PCDH15: variants seen among roughly 807,000 people sequenced by gnomAD.
PCDH15 encodes protocadherin-15.
PCDH15 carries 129 observed loss-of-function variants against 178.5 expected under a neutral mutation model. The ratio of observed to expected loss-of-function variants is 0.72; its 90% CI spans 0.63 to 0.84. The LOEUF is 0.84. Among genes scored for constraint, PCDH15 ranks in the 40% least tolerant of loss-of-function variants. The pLI is 0.00. For synonymous variants in PCDH15, 800 were observed against 732.0 expected (o/e 1.09, Z -1.50); for missense variants, 2,230 against 2,099.9 (o/e 1.06, Z -1.21).
intron 2 of PCDH15, among the ~76,000 whole-genome samples, chr10:55,394,686 A>T (rs1051668343): frequency 5.0e-5 from 7 of 141,124 alleles, no homozygotes; most frequent in Admixed American, 2.8e-4. Flanking sequence ...GTAGAAAATT[A>T]AAAAAAAAAA....
intron 3 of PCDH15, among the ~76,000 whole-genome samples, chr10:54,865,121 G>A (rs1216114755): frequency 5.3e-5 from 8 of 152,132 alleles, no homozygotes; most frequent in Non-Finnish European, 1.0e-4. Flanking sequence ...ATGTCTGCGA[G>A]GGTGTTGCCA....
At chr10:54,793,463 T>A (rs1001008991) in intron 1 of PCDH15, among the ~76,000 whole-genome samples, 1 of 151,712 alleles carries the variant, frequency 6.6e-6, no homozygotes, top group Non-Finnish European at 1.5e-5. Context: ...TAGAAAAATT[T>A]ATTTTTCTAA....
intron 27 of PCDH15, among the ~76,000 whole-genome samples, chr10:53,858,945 A>G (rs1589127512): frequency 6.6e-6 from 1 of 152,056 alleles, no homozygotes; most frequent in Admixed American, 6.6e-5. Flanking sequence ...TACATGATAA[A>G]AATTTCTAGA....
intron 2 of PCDH15, among the ~76,000 whole-genome samples, chr10:55,335,680 T>C (rs1844366704): frequency 6.6e-6 from 1 of 152,172 alleles, no homozygotes; most frequent in African/African-American, 2.4e-5. Context: ...CAGTTTGTTA[T>C]TATAGTTGTC....
chr10:54,512,743 A>G (rs968391743), intron 3 of PCDH15, among the ~76,000 whole-genome samples: 2 of 152,134 alleles, frequency 1.3e-5, no homozygotes, highest in Admixed American at 1.3e-4. Context: ...GCAAATTATT[A>G]ATGAAAGTAT....
rs1564530197 is a variant in PCDH15, at chr10:53,821,905, C to T, written c.4368-1675G>A. ...TGAGATTGTTTTTCAGTTCCCTCGACAATATTGTTCAAACTCCCCTTGTTT... is the reference window on the plus strand; with the variant it reads ...TGAGATTGTTTTTCAGTTCCCTCGATAATATTGTTCAAACTCCCCTTGTTT... On this transcript the variant is annotated intron_variant, in intron 32 of 37. Transcript: ENST00000644397. The T allele has an allele frequency of 3.1e-6, 5 of 1,613,664 alleles. No individual in the cohort carries two copies. The South Asian group carries it at 5.5e-5, about 18-fold the overall frequency.
At chr10:55,203,068 G>T (rs1840300019) in intron 1 of PCDH15, among the ~76,000 whole-genome samples, 1 of 152,120 alleles carries the variant, frequency 6.6e-6, no homozygotes, top group Non-Finnish European at 1.5e-5. Flanking sequence ...ATAAAAATCA[G>T]TCTTATCATG....
At chr10:54,195,020 T>G (rs2049461231) in intron 11 of PCDH15, among the ~76,000 whole-genome samples, 1 of 152,190 alleles carries the variant, frequency 6.6e-6, no homozygotes, top group Non-Finnish European at 1.5e-5. Context: ...TTTCAGCCCT[T>G]CTGTTCTCCA....
chr10:54,553,747 T>C (rs2086863983), intron 2 of PCDH15, among the ~76,000 whole-genome samples: 1 of 152,242 alleles, frequency 6.6e-6, no homozygotes, highest in South Asian at 2.1e-4. Context: ...TCAGGTTCTG[T>C]ATAAAATCTC....
At chr10:54,780,000 A>C (rs181300940) in intron 1 of PCDH15, among the ~76,000 whole-genome samples, 2 of 152,278 alleles carry the variant, frequency 1.3e-5, no homozygotes, top group Admixed American at 1.3e-4. Context: ...ATTTGCACTT[A>C]TTCTTATAAA....
chr10:54,593,988 A>G (rs983560399), intron 2 of PCDH15, among the ~76,000 whole-genome samples: 1 of 151,912 alleles, frequency 6.6e-6, no homozygotes, highest in African/African-American at 2.4e-5. Flanking sequence ...TTGAGAGCAG[A>G]TAGAGAGAAG....
At chr10:54,882,001 T>A (rs1373348015) in intron 3 of PCDH15, among the ~76,000 whole-genome samples, 1 of 152,266 alleles carries the variant, frequency 6.6e-6, no homozygotes, top group African/African-American at 2.4e-5. Context: ...TTTTCTGTTT[T>A]GTTCCCATCT....
At chr10:54,010,394 G>C (rs1055686559) in intron 20 of PCDH15, among the ~76,000 whole-genome samples, 3 of 152,130 alleles carry the variant, frequency 2.0e-5, no homozygotes, top group African/African-American at 7.2e-5. Flanking sequence ...AGCTCCCAGA[G>C]GGCAAGGCAG....
At chr10:53,815,446 A>G (rs1375991968) in intron 35 of PCDH15, among the ~76,000 whole-genome samples, 1 of 152,112 alleles carries the variant, frequency 6.6e-6, no homozygotes, top group African/African-American at 2.4e-5. Flanking sequence ...TTGGATTTCA[A>G]CCCTGAGTTT....
chr10:54,818,883 T>C (rs1952990640), intron 3 of PCDH15, among the ~76,000 whole-genome samples: 1 of 152,048 alleles, frequency 6.6e-6, no homozygotes, highest in African/African-American at 2.4e-5. Context: ...GAGGCACCGA[T>C]TTTTCTTATA....
chr10:53,911,669 T>C (rs547802840), intron 25 of PCDH15, among the ~76,000 whole-genome samples: 171 of 152,286 alleles, frequency 1.1e-3, no homozygotes, highest in African/African-American at 4.0e-3. Flanking sequence ...GAGCTGGTTT[T>C]TTGAAAAGAT....
intron 2 of PCDH15, among the ~76,000 whole-genome samples, chr10:55,079,181 T>C (rs888681159): frequency 1.3e-5 from 2 of 152,184 alleles, no homozygotes; most frequent in African/African-American, 4.8e-5. Context: ...TTTTTATTGT[T>C]TTCTGTGTCT....
chr10:54,192,138 G>GAAAGAAAGAAAA (rs756517420), intron 11 of PCDH15, among the ~76,000 whole-genome samples: 1 of 117,518 alleles, frequency 8.5e-6, no homozygotes, highest in African/African-American at 3.2e-5. Flanking sequence ...GAAAGAGAAA[G>GAAAGAAAGAAAA]AGAAAGAAAG....
intron 1 of PCDH15, among the ~76,000 whole-genome samples, chr10:55,170,382 C>G (rs1839301500): frequency 6.6e-6 from 1 of 152,016 alleles, no homozygotes; most frequent in Admixed American, 6.6e-5. Context: ...CTCCTTGGCT[C>G]AAGTGATCCT....
Sources: allele counts gnomAD v4.1 joint callset (sites outside exome capture counted in the v4.1 genomes callset), GRCh38; gene constraint gnomAD v4.1.1; transcripts MANE v1.5; gene names NCBI Gene and HGNC (gene_info 2026-07-23, HGNC 2026-07-21).